The following HPCAL1 variants were observed in gnomAD, a reference collection of about 807,000 sequenced individuals.
HPCAL1 encodes the protein hippocalcin-like protein 1.
Under a neutral mutation model 17.1 loss-of-function variants are expected in HPCAL1, and 8 were observed. That is an observed-to-expected ratio of 0.47 (90% CI 0.27 to 0.84). HPCAL1 has a LOEUF of 0.84. Ranked by LOEUF, HPCAL1 falls within the 40% of genes least tolerant of loss-of-function variation. HPCAL1 has a pLI of 0.13. For synonymous variants in HPCAL1, 112 were observed against 111.4 expected (o/e 1.01, Z -0.03); for missense variants, 165 against 271.1 (o/e 0.61, Z 2.75).
chr2:10,325,317 G>A (rs1663941144), intron 1 of HPCAL1, among the ~76,000 whole-genome samples: 1 of 152,160 alleles, frequency 6.6e-6, no homozygotes. Flanking sequence ...CAGTTCACAG[G>A]TGTGCTCTCC....
At position 10,384,031 on chromosome 2, in the gene HPCAL1, A is replaced by C. The variant is rs75329536; in HGVS notation, c.-110-12804A>C. On this transcript the variant is annotated intron_variant, in intron 1 of 4. Transcript: ENST00000307845. The surrounding 1 kb of genome is among the most constrained non-coding windows in gnomAD (Gnocchi z 4.4). The stretch of plus-strand genomic sequence containing the variant: ...ATACATCGCGTACACACACACACCC[A>C]CACACACACACACCTTTTGCTGGTG... Among the ~76,000 whole-genome samples the C allele has an allele frequency of 2.0e-4, 22 of 110,184 alleles. No individual in the cohort carries two copies. Among genetic ancestry groups the C allele is most frequent in the Non-Finnish European group, 3.5e-4 (18 of 51,746 alleles). 72.3% of individuals were successfully genotyped at this position (110,184 alleles called of 152,430 possible). A position where few individuals can be genotyped will look rare whatever the true frequency, so the allele number is the denominator to read the frequency against.
chr2:10,369,197 AG>A (rs1558492495), intron 1 of HPCAL1: 1 of 152,228 alleles, frequency 6.6e-6, no homozygotes, highest in Non-Finnish European at 1.5e-5. Flanking sequence ...TGGGGAGCAG[AG>A]GGCCACTGAG....
At position 10,340,488 on chromosome 2, in the gene HPCAL1, G is replaced by A. The variant is rs183406985; in HGVS notation, c.-111+37311G>A. On this transcript the variant is annotated intron_variant, in intron 1 of 4. Transcript: ENST00000307845. Reference sequence around the variant, plus strand: ...GACTCAGAATATCCCTCAGATAGTAGGAATAGGTAGCTTTGAGAGGTCATC... The same window carrying A: ...GACTCAGAATATCCCTCAGATAGTAAGAATAGGTAGCTTTGAGAGGTCATC... 4.2e-3 allele frequency among the ~76,000 whole-genome samples: 567 copies of A among 134,826 alleles called. 2 individuals carry two copies. Among genetic ancestry groups the A allele is most frequent in the Middle Eastern group, 0.017 (4 of 232 alleles). 88.5% of individuals were successfully genotyped at this position (134,826 alleles called of 152,430 possible). A position where few individuals can be genotyped will look rare whatever the true frequency, so the allele number is the denominator to read the frequency against.
chr2:10,394,329 C>T lies in HPCAL1; in HGVS notation c.-110-2506C>T, dbSNP rs936649076. 6.6e-6 allele frequency among the ~76,000 whole-genome samples: 1 copy of T among 152,026 alleles called. No individual in the cohort carries two copies. Among genetic ancestry groups the T allele is most frequent in the African/African-American group, 2.4e-5 (1 of 41,366 alleles). The stretch of plus-strand genomic sequence containing the variant: ...TAGGAAGGGGATGATGAAATGAGGA[C>T]CTGGTACATTCTGCTGCTGGTTCCA... On this transcript the variant is annotated intron_variant, in intron 1 of 4. Transcript: ENST00000307845. This position sits in a 1 kb window ranked among gnomAD's most constrained non-coding sequence, Gnocchi z 5.0.
At chr2:10,358,715 C>T (rs35788783) in intron 1 of HPCAL1, among the ~76,000 whole-genome samples, 29,082 of 151,930 alleles carry the variant, frequency 0.19, 3,038 homozygotes, top group African/African-American at 0.25. Context: ...TTGGCTGGGG[C>T]GGTCGGAGAA....
At chr2:10,346,007 G>A (rs769209675) in intron 1 of HPCAL1, among the ~76,000 whole-genome samples, 1 of 152,206 alleles carries the variant, frequency 6.6e-6, no homozygotes, top group Non-Finnish European at 1.5e-5. Context: ...AAGTGTGAGT[G>A]TGTGGGTGTG....
In HPCAL1 at chr2:10,419,953, G is replaced by A. The variant is rs1256159520; in HGVS notation, c.196G>A (p.Glu66Lys). The A allele has an allele frequency of 2.5e-6, 4 of 1,613,946 alleles. No homozygotes were observed. The change falls in exon 3 of 5, where the codon GAG becomes AAG. Residue 66 changes from glutamate (E) to lysine (K), a missense_variant. Physicochemically the swap from Glu to Lys is moderately conservative, Grantham distance 56. Coordinates refer to ENST00000307845, the MANE Select transcript of HPCAL1 (RefSeq NM_002149.4). This position sits in a 1 kb window ranked among gnomAD's most constrained non-coding sequence, Gnocchi z 5.0. ...FPYGDASKFA[E>K]HVFRTFDTNG... ...CTACGGCGACGCTTCCAAGTTCGCC[G>A]AGCACGTCTTCCGCACCTTCGACAC...
chr2:10,378,904 T>A (rs758037800), intron 1 of HPCAL1, among the ~76,000 whole-genome samples: 2 of 152,236 alleles, frequency 1.3e-5, no homozygotes, highest in Non-Finnish European at 2.9e-5. Context: ...ATGGGTCCAT[T>A]TCTTCTGGTC....
rs1249777552 is a variant in HPCAL1 at position 10,422,966 on chromosome 2, A to G, written c.379-17A>G. ...CCCCCGGGCCTCTGAGCACAGTGTC[A>G]TTGCCCCCATCCGCAGGCCATCTAC... is the stretch of plus-strand genomic sequence containing the variant. On this transcript the variant is annotated splice_polypyrimidine_tract_variant and intron_variant, in intron 3 of 4. Coordinates refer to ENST00000307845, the MANE Select transcript of HPCAL1 (RefSeq NM_002149.4). 5 of 1,588,592 alleles carry G rather than the reference A, an allele frequency of 3.1e-6. No individual in the cohort carries two copies. In the South Asian group the frequency reaches 3.3e-5, roughly 11 times the overall value.
chr2:10,421,310 C>T (rs1271589340), intron 3 of HPCAL1, among the ~76,000 whole-genome samples: 1 of 152,156 alleles, frequency 6.6e-6, no homozygotes, highest in African/African-American at 2.4e-5. Flanking sequence ...AGAAGGAAAC[C>T]AAGTTTTGTT....
rs762396476 is a variant in HPCAL1, at chr2:10,420,143, C to T, written c.378+8C>T. 6 of 1,599,730 alleles carry T rather than the reference C, an allele frequency of 3.8e-6. No homozygotes were observed. The highest frequency in any genetic ancestry group is 3.4e-5 in the Admixed American group (2 of 59,564). On this transcript the variant is annotated splice_region_variant and intron_variant, in intron 3 of 4. Transcript: ENST00000307845. ...ATGCTGGAGATCGTGCAGGTACCGG[C>T]GCCCGAGGCCCCGGGTCTCACCGCG...
chr2:10,325,268 G>A (rs1359911299), intron 1 of HPCAL1, among the ~76,000 whole-genome samples: 2 of 152,206 alleles, frequency 1.3e-5, no homozygotes, highest in East Asian at 1.9e-4. Context: ...GGGCTCAGGC[G>A]ATCCTCCCGA....
chr2:10,305,758 C>G (rs913420730), intron 1 of HPCAL1, among the ~76,000 whole-genome samples: 1 of 152,354 alleles, frequency 6.6e-6, no homozygotes, highest in Admixed American at 6.5e-5. Flanking sequence ...CGTGGACACA[C>G]TCCGTCCCCT....
rs186427470 is a variant in HPCAL1, at chr2:10,334,560, T to C, written c.-111+31383T>C. On this transcript the variant is annotated intron_variant, in intron 1 of 4. Coordinates refer to ENST00000307845, the MANE Select transcript of HPCAL1 (RefSeq NM_002149.4). ...GAAAGAAATACTCATAAATGGTATA[T>C]ATATATATCACTTTGTAATTTGTTC... Among the ~76,000 whole-genome samples, 197 of 152,126 alleles carry C rather than the reference T, an allele frequency of 1.3e-3. 1 individual carries two copies. The highest frequency in any genetic ancestry group is 4.6e-3 in the African/African-American group (190 of 41,452).
At chr2:10,417,251 T>C (rs1268241369) in intron 2 of HPCAL1, among the ~76,000 whole-genome samples, 3 of 151,944 alleles carry the variant, frequency 2.0e-5, no homozygotes, top group East Asian at 3.9e-4. Context: ...TAATTCCAGC[T>C]ACTTGGGAGG....
At chr2:10,360,003 T>C (rs1666423643) in intron 1 of HPCAL1, among the ~76,000 whole-genome samples, 1 of 151,984 alleles carries the variant, frequency 6.6e-6, no homozygotes, top group African/African-American at 2.4e-5. Context: ...CATTCCTTCA[T>C]TCATTCTTCA....
At chr2:10,424,623 G>A (rs1052533087) in intron 4 of HPCAL1, 6 of 470,888 alleles carry the variant, frequency 1.3e-5, no homozygotes, top group Admixed American at 2.3e-5. Flanking sequence ...GGTTGGTTGG[G>A]AATTTGGATG....
At chr2:10,321,785 G>T (rs543607841) in intron 1 of HPCAL1, among the ~76,000 whole-genome samples, 2 of 152,180 alleles carry the variant, frequency 1.3e-5, no homozygotes, top group Non-Finnish European at 2.9e-5. Context: ...CCAATGCTGC[G>T]TGTGTATCTG....
At chr2:10,399,460 C>T (rs1224652631) in intron 2 of HPCAL1, among the ~76,000 whole-genome samples, 11 of 113,434 alleles carry the variant, frequency 9.7e-5, no homozygotes, top group East Asian at 2.7e-4. Context: ...ACCACCACCA[C>T]CACCATCACC....
Sources: allele counts gnomAD v4.1 joint callset (sites outside exome capture counted in the v4.1 genomes callset), GRCh38; gene constraint gnomAD v4.1.1; non-coding constraint Gnocchi (gnomAD v3.1); transcripts MANE v1.5; gene names NCBI Gene and HGNC (gene_info 2026-07-23, HGNC 2026-07-21).